SAMSN1: variants seen among roughly 807,000 people sequenced by gnomAD.
The protein encoded by SAMSN1 is SAM domain, SH3 domain and nuclear localization signals 1.
A neutral mutation model predicts 42.0 loss-of-function variants in SAMSN1; 31 were observed. That is an observed-to-expected ratio of 0.74 (90% CI 0.55 to 1.00). The LOEUF (loss-of-function observed/expected upper bound fraction) is 1.00, where lower values mean the gene tolerates loss of function less well. Ranked by LOEUF, SAMSN1 falls within the 50% of genes least tolerant of loss-of-function variation. SAMSN1 has a pLI of 0.00. For missense variants in SAMSN1, 464 were observed against 439.4 expected, an observed-to-expected ratio of 1.06 and a Z score of -0.50; for synonymous variants, 178 against 151.9, an observed-to-expected ratio of 1.17 and a Z score of -1.26.
intron 1 of SAMSN1, among the ~76,000 whole-genome samples, chr21:14,583,006 G>A (rs1365070913): frequency 1.3e-5 from 2 of 152,098 alleles, no homozygotes; most frequent in African/African-American, 4.8e-5. Context: ...TATGGATGCA[G>A]TGTGTCTCAC....
At position 14,635,822 on chromosome 21, in the gene SAMSN1, T is replaced by TTTATTA. The variant is rs368397409; in HGVS notation, c.156+7174_156+7179dup. On this transcript the variant is annotated intron_variant, in intron 2 of 15. Coordinates refer to the SAMSN1 transcript ENST00000647101. Reference sequence around the variant, plus strand: ...GCTCGCTGCAAACCAAGAGACAGAATTTATTATTATTATTATTATTATACT... The same window carrying TTTATTA: ...GCTCGCTGCAAACCAAGAGACAGAATTTATTATTATTATTATTATTATTATTATACT... 3.3e-4 allele frequency among the ~76,000 whole-genome samples: 50 copies of TTTATTA among 151,232 alleles called. No homozygotes were observed. The East Asian group carries it at 5.8e-3, about 18-fold the overall frequency.
intron 1 of SAMSN1, among the ~76,000 whole-genome samples, chr21:14,526,300 CT>C (rs1209921267): frequency 6.6e-6 from 1 of 152,182 alleles, no homozygotes; most frequent in African/African-American, 2.4e-5. Context: ...ATACATCTAA[CT>C]TTTCTGATAT....
chr21:14,551,576 A>G (rs1035134704), intron 2 of SAMSN1, among the ~76,000 whole-genome samples: 3 of 152,110 alleles, frequency 2.0e-5, no homozygotes, highest in African/African-American at 4.8e-5. Context: ...TTAAAGTCAT[A>G]TAAGGGCCAT....
chr21:14,587,514 C>T (rs145281311), upstream of SAMSN1, among the ~76,000 whole-genome samples: 94 of 152,228 alleles, frequency 6.2e-4, 1 homozygote, highest in African/African-American at 2.2e-3. Context: ...CTGACACCTT[C>T]CTTTTCTTGA....
chr21:14,553,307 T>C (rs1322018310), intron 2 of SAMSN1, among the ~76,000 whole-genome samples: 1 of 152,174 alleles, frequency 6.6e-6, no homozygotes, highest in Admixed American at 6.6e-5. Context: ...TTGGAATTAA[T>C]AACTGTCTTT....
At chr21:14,539,458 A>T (rs961967733) in intron 1 of SAMSN1, among the ~76,000 whole-genome samples, 1 of 152,174 alleles carries the variant, frequency 6.6e-6, no homozygotes, top group African/African-American at 2.4e-5. Flanking sequence ...CAGGATACAA[A>T]ATCAGTGTGC....
intron 1 of SAMSN1, among the ~76,000 whole-genome samples, chr21:14,542,990 C>A (rs114552443): frequency 0.012 from 1,848 of 152,204 alleles, 26 homozygotes; most frequent in African/African-American, 0.042. Flanking sequence ...GATAACAGTA[C>A]CTTGCATGTA....
intron 2 of SAMSN1, among the ~76,000 whole-genome samples, chr21:14,630,090 G>T (rs1010622030): frequency 6.6e-6 from 1 of 152,104 alleles, no homozygotes; most frequent in Non-Finnish European, 1.5e-5. Context: ...TAGGAAATCC[G>T]ATGGGTAAAA....
chr21:14,658,749 A>G, exon 1 of SAMSN1: 1 of 715,576 alleles, frequency 1.4e-6, no homozygotes, highest in Non-Finnish European at 2.6e-6. Flanking sequence ...GGAACTTACC[A>G]GCGAAATGCA....
intron 2 of SAMSN1, among the ~76,000 whole-genome samples, 163 bp from the exon 3 acceptor site, chr21:14,517,204 GT>G (rs1233198961): frequency 6.6e-6 from 1 of 152,172 alleles, no homozygotes; most frequent in Admixed American, 6.5e-5. Flanking sequence ...TATTTTTAAA[GT>G]TGTCCAGCCC....
chr21:14,621,193 C>T (rs569322501), intron 2 of SAMSN1, among the ~76,000 whole-genome samples: 109 of 152,196 alleles, frequency 7.2e-4, no homozygotes, highest in Non-Finnish European at 1.3e-3. Context: ...CCAAGATGGC[C>T]GAATAGGAAC....
At chr21:14,630,188 C>T (rs1008449520) in intron 2 of SAMSN1, among the ~76,000 whole-genome samples, 2 of 152,158 alleles carry the variant, frequency 1.3e-5, no homozygotes, top group African/African-American at 4.8e-5. Flanking sequence ...CTAAACTGGA[C>T]AAGACCCAGG....
intron 3 of SAMSN1, among the ~76,000 whole-genome samples, chr21:14,613,081 G>C (rs1273305573): frequency 6.6e-6 from 1 of 152,084 alleles, no homozygotes; most frequent in Admixed American, 6.6e-5. Context: ...GCAAATTACA[G>C]TAAATACAAG....
chr21:14,618,576 A>C (rs765006937), intron 2 of SAMSN1, among the ~76,000 whole-genome samples: 31 of 152,154 alleles, frequency 2.0e-4, no homozygotes, highest in Non-Finnish European at 3.7e-4. Flanking sequence ...ATTGGAGTTC[A>C]CACCCTGGGT....
At chr21:14,501,014 T>G (rs1987131227) in intron 5 of SAMSN1, among the ~76,000 whole-genome samples, 1 of 151,982 alleles carries the variant, frequency 6.6e-6, no homozygotes, top group Non-Finnish European at 1.5e-5. Context: ...TCTCTACAAT[T>G]TTTTTCTTTT....
chr21:14,586,732 A>G (rs1223874190), upstream of SAMSN1, among the ~76,000 whole-genome samples: 8 of 152,204 alleles, frequency 5.3e-5, no homozygotes, highest in Admixed American at 5.2e-4. Context: ...CACTGAAGAT[A>G]CTAAAGCTGA....
At chr21:14,531,679 C>T (rs937365819) in intron 1 of SAMSN1, among the ~76,000 whole-genome samples, 4 of 151,982 alleles carry the variant, frequency 2.6e-5, no homozygotes, top group African/African-American at 4.8e-5. Context: ...CCAGTCACTC[C>T]AGATTTTAAA....
intron 2 of SAMSN1, among the ~76,000 whole-genome samples, chr21:14,581,977 G>GC (rs1981746767): frequency 6.6e-6 from 1 of 152,192 alleles, no homozygotes; most frequent in African/African-American, 2.4e-5. Flanking sequence ...ATGGGTAAAA[G>GC]TCACAAGAGT....
At chr21:14,559,260 G>T (rs571921771) in intron 2 of SAMSN1, among the ~76,000 whole-genome samples, 1 of 140,652 alleles carries the variant, frequency 7.1e-6, no homozygotes, top group African/African-American at 2.8e-5. Flanking sequence ...TCATGCAAAG[G>T]CAGCTTCTTT....
Sources: allele counts gnomAD v4.1 joint callset (sites outside exome capture counted in the v4.1 genomes callset), GRCh38; gene constraint gnomAD v4.1.1; transcripts MANE v1.5; gene names NCBI Gene and HGNC (gene_info 2026-07-23, HGNC 2026-07-21).